Variants in PTP4A2 observed in about 807,000 individuals in gnomAD.
The protein encoded by PTP4A2 is protein tyrosine phosphatase 4A2.
PTP4A2 carries 2 observed loss-of-function variants against 22.9 expected under a neutral mutation model. The observed-to-expected ratio is 0.09, with a 90% CI of 0.04 to 0.27. The LOEUF is 0.27. Among genes scored for constraint, PTP4A2 ranks in the 10% least tolerant of loss-of-function variants. PTP4A2 has a pLI of 1.00. For missense variants in PTP4A2, 103 were observed against 205.1 expected (o/e 0.50, Z 3.04); for synonymous variants, 68 against 69.1 (o/e 0.98, Z 0.08).
chr1:31,925,990 G>A lies in PTP4A2; in HGVS notation c.-593-6332C>T, dbSNP rs576580631. ...CTAAAAATACAAAAATTAGCTGGGC[G>A]TGGCGGCGCATGCCTGTAATCCCAG... On this transcript the variant is annotated intron_variant, in intron 1 of 5. Transcript: ENST00000647444. Among the ~76,000 whole-genome samples the A allele has an allele frequency of 2.5e-3, 383 of 150,996 alleles. 2 individuals carry two copies. Among genetic ancestry groups the A allele is most frequent in the African/African-American group, 8.5e-3 (350 of 41,198 alleles).
chr1:31,922,622 CTTTCTTTCTTTCTTTTA>C (rs1225810088), intron 1 of PTP4A2, among the ~76,000 whole-genome samples: 2 of 111,020 alleles, frequency 1.8e-5, no homozygotes, highest in African/African-American at 9.8e-5. Context: ...TTCTTTCTTT[CTTTCTTTCTTTCTTTTA>C]TTTATTTTGA....
chr1:31,913,773 A>G, intron 3 of PTP4A2: 1 of 455,772 alleles, frequency 2.2e-6, no homozygotes, highest in South Asian at 1.6e-5. Flanking sequence ...TTTCTATTTC[A>G]CAAAGATGTT....
chr1:31,916,345 CAAAAAAAAAAAAAA>C (rs1167002913), intron 2 of PTP4A2, among the ~76,000 whole-genome samples: 10 of 35,466 alleles, frequency 2.8e-4, no homozygotes, highest in African/African-American at 5.5e-4. Flanking sequence ...ACTCCGTCTC[CAAAAAAAAAAAAAA>C]AAAAAAAAAA....
rs1454498460 is a variant in PTP4A2, at chr1:31,908,909, G to A, written c.447C>T (p.Tyr149=). 2 of 1,614,002 alleles carry A rather than the reference G, an allele frequency of 1.2e-6. No homozygotes were observed. The highest frequency in any genetic ancestry group is 1.7e-6 in the Non-Finnish European group (2 of 1,179,968). Residue 149 remains tyrosine, a synonymous_variant, in exon 6 of 6, where the codon TAC becomes TAT. Transcript: ENST00000647444. ...TGAAGCGTAATCGCATCTTAGGTCG[G>A]TATTTCTCCAAATAAAGCAGCTGTT... The part of the protein sequence containing the change: ...NSKQLLYLEK[Y]RPKMRLRFRD...
chr1:31,935,141 G>C (rs1257463338), intron 1 of PTP4A2, among the ~76,000 whole-genome samples: 1 of 152,160 alleles, frequency 6.6e-6, no homozygotes, highest in African/African-American at 2.4e-5. Flanking sequence ...GTAAGTTCTA[G>C]TTCACTCTTG....
intron 5 of PTP4A2, 137 bp downstream of exon 5, chr1:31,909,901 T>C (rs1435327544): frequency 1.4e-6 from 1 of 697,108 alleles, no homozygotes; most frequent in Non-Finnish European, 2.4e-6. Context: ...TGCTCTAAAT[T>C]TTTTACATCT....
At position 31,920,368 on chromosome 1, in the gene PTP4A2, G is replaced by C. The variant is rs1178176192; in HGVS notation, c.-593-710C>G. On this transcript the variant is annotated intron_variant, in intron 1 of 5. Transcript: ENST00000647444. ...TGAGGCAGGAGAATTGCTTGAACCT[G>C]GGAGGTGGAGGTTGCAGTGAGCTGA... Among the ~76,000 whole-genome samples the C allele has an allele frequency of 2.0e-5, 3 of 151,268 alleles. No homozygotes were observed. The East Asian group carries it at 5.9e-4, about 30-fold the overall frequency.
intron 3 of PTP4A2, among the ~76,000 whole-genome samples, chr1:31,913,576 AT>A (rs574348504): frequency 1.1e-4 from 16 of 144,570 alleles, no homozygotes; most frequent in East Asian, 4.0e-4. Context: ...GACAACATCT[AT>A]TTTTTTTTTT....
intron 3 of PTP4A2, 119 bp downstream of exon 3, chr1:31,915,776 G>T: frequency 1.5e-6 from 1 of 655,992 alleles, no homozygotes; most frequent in South Asian, 2.2e-5. Flanking sequence ...CTGGGTTCAA[G>T]TGATCTTCCC....
At chr1:31,909,887 C>T (rs1569573349) in intron 5 of PTP4A2, 151 bp downstream of exon 5, 5 of 638,202 alleles carry the variant, frequency 7.8e-6, no homozygotes, top group Non-Finnish European at 1.3e-5. Context: ...GAGTCTCTAT[C>T]ACTTGCTCTA....
At chr1:31,910,890 TAGA>T (rs1418616301) in intron 4 of PTP4A2, 2 of 152,228 alleles carry the variant, frequency 1.3e-5, no homozygotes, top group Admixed American at 6.5e-5. Flanking sequence ...AATTGATGAC[TAGA>T]AGAAGTTCTA....
chr1:31,924,717 A>G (rs924182966), intron 1 of PTP4A2, among the ~76,000 whole-genome samples: 1 of 152,190 alleles, frequency 6.6e-6, no homozygotes, highest in African/African-American at 2.4e-5. Flanking sequence ...ATACACCCAA[A>G]TACTCCCTCT....
intron 5 of PTP4A2, 43 bp from the exon 6 acceptor site, chr1:31,909,003 G>A: frequency 7.1e-7 from 1 of 1,403,930 alleles, no homozygotes; most frequent in Non-Finnish European, 1.0e-6. Context: ...TAAAAAAAGA[G>A]CTGTCTGATT....
chr1:31,906,999 C>T lies in PTP4A2; in HGVS notation c.*1853G>A, dbSNP rs1280789250. 6.6e-6 allele frequency: 1 copy of T among 152,090 alleles called. No homozygotes were observed. The highest frequency in any genetic ancestry group is 1.5e-5 in the Non-Finnish European group (1 of 68,010). 9.4% of individuals were successfully genotyped at this position (152,090 alleles called of 1,614,324 possible). On this transcript the variant is annotated 3_prime_UTR_variant, in exon 6 of 6. Coordinates refer to ENST00000647444, the MANE Select transcript of PTP4A2 (RefSeq NM_080391.4). ...TGTTTTAAAGTCCTAGAAACAATTT[C>T]GAAAAGCATTATTTTGTTTTGTTTT... is the stretch of plus-strand genomic sequence containing the variant.
intron 1 of PTP4A2, among the ~76,000 whole-genome samples, chr1:31,923,062 G>A (rs1366350421): frequency 6.6e-6 from 1 of 151,370 alleles, no homozygotes; most frequent in Non-Finnish European, 1.5e-5. Flanking sequence ...CTCCCAAGTA[G>A]CTGTGATTAC....
intron 2 of PTP4A2, among the ~76,000 whole-genome samples, chr1:31,918,165 C>A (rs1473708134): frequency 6.6e-6 from 1 of 151,560 alleles, no homozygotes; most frequent in African/African-American, 2.4e-5. Context: ...AGGAGAATGG[C>A]GTGAACCCGG....
At chr1:31,931,376 C>A (rs948134107) in intron 1 of PTP4A2, among the ~76,000 whole-genome samples, 1 of 152,082 alleles carries the variant, frequency 6.6e-6, no homozygotes, top group Admixed American at 6.6e-5. Context: ...AAGCCTTGAC[C>A]GGGCTGAGAA....
At chr1:31,933,360 T>C (rs553360526) in intron 1 of PTP4A2, 1 of 152,242 alleles carries the variant, frequency 6.6e-6, no homozygotes, top group Admixed American at 6.5e-5. Context: ...TGGTATCCAC[T>C]GTTCAACAGA....
At chr1:31,933,626 G>A (rs1652817682) in intron 1 of PTP4A2, 1 of 152,072 alleles carries the variant, frequency 6.6e-6, no homozygotes, top group Non-Finnish European at 1.5e-5. Context: ...TACCAGCTGA[G>A]GCAGGACAAT....
Sources: gnomAD v4.1 joint callset for allele counts (sites outside exome capture counted in the v4.1 genomes callset) on GRCh38, gnomAD v4.1.1 for gene constraint, MANE v1.5 for transcripts, NCBI Gene and HGNC (gene_info 2026-07-23, HGNC 2026-07-21) for gene names.